The following CLEC17A variants were observed in gnomAD, a reference collection of about 807,000 sequenced individuals.
The protein encoded by CLEC17A is C-type lectin domain family 17, member A.
Under a neutral mutation model 61.3 loss-of-function variants are expected in CLEC17A, and 37 were observed. That is an observed-to-expected ratio of 0.60 (90% CI 0.46 to 0.79). CLEC17A has a LOEUF of 0.79. CLEC17A is among the 30% of genes least tolerant of loss of function. CLEC17A has a pLI of 0.00. For synonymous variants in CLEC17A, 168 were observed against 164.9 expected (o/e 1.02, Z -0.14); for missense variants, 418 against 464.7 (o/e 0.90, Z 0.92).
At chr19:14,583,503 G>T (rs1382934205) in intron 2 of CLEC17A, 69 bp downstream of exon 2, 30 of 1,598,514 alleles carry the variant, frequency 1.9e-5, no homozygotes, top group Non-Finnish European at 2.5e-5. Flanking sequence ...GCATTGGTTG[G>T]GCATTGTAGA....
At chr19:14,594,303 A>G (rs986333264) in intron 4 of CLEC17A, among the ~76,000 whole-genome samples, 1 of 151,966 alleles carries the variant, frequency 6.6e-6, no homozygotes, top group Non-Finnish European at 1.5e-5. Flanking sequence ...AATAAAAAAT[A>G]AAATAAAATA....
upstream of CLEC17A, among the ~76,000 whole-genome samples, chr19:14,581,794 A>C (rs914108506): frequency 7.9e-5 from 12 of 151,888 alleles, no homozygotes; most frequent in Non-Finnish European, 1.8e-4. Flanking sequence ...CTGGGATTAC[A>C]GGTGCGCGCC....
intron 4 of CLEC17A, among the ~76,000 whole-genome samples, chr19:14,593,664 A>G (rs1212357219): frequency 6.6e-6 from 1 of 152,016 alleles, no homozygotes; most frequent in Non-Finnish European, 1.5e-5. Context: ...ACTGTCTTTA[A>G]AAAAATAGAA....
chr19:14,600,307 T>A, intron 12 of CLEC17A, 125 bp downstream of exon 12: 1 of 1,154,084 alleles, frequency 8.7e-7, no homozygotes, highest in Non-Finnish European at 1.2e-6. Context: ...ACTAAAACTT[T>A]AACAGCAAGC....
chr19:14,605,161 G>A (rs1000651589), intron 12 of CLEC17A, among the ~76,000 whole-genome samples: 2 of 151,134 alleles, frequency 1.3e-5, no homozygotes, highest in South Asian at 2.1e-4. Context: ...GCACTGTCGC[G>A]ATCTCAGCTC....
In CLEC17A at chr19:14,600,011, G is replaced by A. The variant is rs769142286; in HGVS notation, c.743-20G>A. 46 of 1,612,350 alleles carry A rather than the reference G, an allele frequency of 2.9e-5. No homozygotes were observed. The highest frequency in any genetic ancestry group is 1.8e-4 in the South Asian group (16 of 90,940). The stretch of plus-strand genomic sequence containing the variant: ...CTCAGGTTCTGGGGCCATCCTGACA[G>A]CATTCTGTCTGGTTCCCAGACTGCC... On this transcript the variant is annotated intron_variant, in intron 11 of 13. Transcript: ENST00000417570.
At chr19:14,585,226 G>T (rs2074257290) in intron 2 of CLEC17A, among the ~76,000 whole-genome samples, 1 of 152,248 alleles carries the variant, frequency 6.6e-6, no homozygotes, top group Non-Finnish European at 1.5e-5. Context: ...CTGCCCTGAA[G>T]TGGTGCAATC....
rs1568452669 is a variant in CLEC17A at position 14,594,669 on chromosome 19, C to T, written c.348C>T (p.Pro116=). The change falls in exon 6 of 14, where the codon CCC becomes CCT. Residue 116 remains proline, a synonymous_variant. Transcript: ENST00000417570. The part of the protein sequence containing the change: ...ETEKPPLPCK[P]RNMTGLDLAA... ...AGAAACCCCCACTTCCTTGCAAGCC[C>T]CGGAACATGACAGGTGAGAGCTGAC... 6.2e-7 allele frequency: 1 copy of T among 1,613,958 alleles called. No individual in the cohort carries two copies. Among genetic ancestry groups the T allele is most frequent in the Non-Finnish European group, 8.5e-7 (1 of 1,179,892 alleles).
In CLEC17A at chr19:14,611,269, A is replaced by C. The variant is rs1255896725; in HGVS notation, c.*1073A>C. ...AAATAACCCAGAAACCATCAAAATT[A>C]TTTTTGACCAGCAACTTTCTCAATG... On this transcript the variant is annotated 3_prime_UTR_variant, in exon 14 of 14. Coordinates refer to ENST00000417570, the MANE Select transcript of CLEC17A (RefSeq NM_001204118.2). 1 of 150,020 alleles carries C rather than the reference A, an allele frequency of 6.7e-6. No individual in the cohort carries two copies. Among genetic ancestry groups the C allele is most frequent in the Non-Finnish European group, 1.5e-5 (1 of 67,754 alleles). The allele number at this position is 150,020 out of a possible 1,614,324, so 9.3% of individuals were successfully genotyped here. A position where few individuals can be genotyped will look rare whatever the true frequency, so the allele number is the denominator to read the frequency against.
At position 14,611,371 on chromosome 19, in the gene CLEC17A, CT is replaced by C. The variant is rs71166767; in HGVS notation, c.*1199del. ...AGACTTGGCCCGTGGAACTTCTATC[CT>C]TTTTTTTTTTTTTTTTTTTTTTTGA... On this transcript the variant is annotated 3_prime_UTR_variant, in exon 14 of 14. Transcript: ENST00000417570. Among the ~76,000 whole-genome samples, 37,464 of 76,150 alleles carry C rather than the reference CT, an allele frequency of 0.49. 7,432 individuals carry two copies. Among genetic ancestry groups the C allele is most frequent in the East Asian group, 0.59 (1,500 of 2,530 alleles). 50.0% of individuals were successfully genotyped at this position (76,150 alleles called of 152,430 possible).
chr19:14,594,530 A>G lies in CLEC17A; in HGVS notation c.291A>G (p.Pro97=). The part of the protein sequence containing the change: ...DLPPKPGSSA[P]PRPPRAAKET... The stretch of plus-strand genomic sequence containing the variant: ...TCTCTTCTCCAGGTTCAAGTGCTCC[A>G]CCAAGACCTCCAAGGGCAGGTGAGT... Residue 97 remains proline, a synonymous_variant, in exon 5 of 14, where the codon CCA becomes CCG. Transcript: ENST00000417570. The G allele has an allele frequency of 3.8e-6, 6 of 1,598,324 alleles. No individual in the cohort carries two copies. The highest frequency in any genetic ancestry group is 4.3e-6 in the Non-Finnish European group (5 of 1,173,074).
chr19:14,595,091 C>G (rs2074511403), intron 7 of CLEC17A, among the ~76,000 whole-genome samples, 183 bp from the exon 8 acceptor site: 1 of 152,148 alleles, frequency 6.6e-6, no homozygotes, highest in African/African-American at 2.4e-5. Flanking sequence ...AGGCTGGTCT[C>G]AAACTCCTGA....
chr19:14,602,698 T>C (rs900200083), intron 12 of CLEC17A, among the ~76,000 whole-genome samples: 1 of 152,120 alleles, frequency 6.6e-6, no homozygotes, highest in African/African-American at 2.4e-5. Context: ...TTCTGTTTTT[T>C]ATCCCTCTGT....
intron 3 of CLEC17A, chr19:14,588,657 A>G (rs555028609): frequency 3.4e-4 from 51 of 152,086 alleles, no homozygotes; most frequent in African/African-American, 1.2e-3. Context: ...CCCCACTTCT[A>G]AAAAAATAGA....
Position 14,594,512 on chromosome 19 carries a change from T to A in CLEC17A, c.278-5T>A. 1.3e-6 allele frequency: 2 copies of A among 1,580,858 alleles called. No individual in the cohort carries two copies. Among genetic ancestry groups the A allele is most frequent in the Non-Finnish European group, 1.7e-6 (2 of 1,164,292 alleles). On this transcript the variant is annotated splice_region_variant and splice_polypyrimidine_tract_variant and intron_variant, in intron 4 of 13. Coordinates refer to ENST00000417570, the MANE Select transcript of CLEC17A (RefSeq NM_001204118.2). ...CAGCCCTCACCCTGAGCTTCTCTTC[T>A]CCAGGTTCAAGTGCTCCACCAAGAC...
At position 14,596,888 on chromosome 19, in the gene CLEC17A, C is replaced by G. The variant is rs1164780206; in HGVS notation, c.458C>G (p.Pro153Arg). The G allele has an allele frequency of 6.2e-7, 1 of 1,609,202 alleles. No individual in the cohort carries two copies. The highest frequency in any genetic ancestry group is 1.7e-5 in the Admixed American group (1 of 59,756). The change falls in exon 9 of 14, where the codon CCC becomes CGC. Residue 153 changes from proline (P) to arginine (R), a missense_variant. Coordinates refer to ENST00000417570, the MANE Select transcript of CLEC17A (RefSeq NM_001204118.2). ...LQPSLAATPV[P>R]WLNQRSGGPG... ...CCCCACTCCCCAGCAACTCCAGTCC[C>G]CTGGCTCAATCAGAGGTCTGGAGGT...
At chr19:14,582,051 C>G (rs1031187752), upstream of CLEC17A, among the ~76,000 whole-genome samples, 1 of 152,176 alleles carries the variant, frequency 6.6e-6, no homozygotes, top group Non-Finnish European at 1.5e-5. Flanking sequence ...GAGGCTGCAG[C>G]GTGAGAATCC....
rs145647849 is a variant in CLEC17A, at chr19:14,608,937, T to C, written c.1005-1127T>C. 3.7e-3 allele frequency among the ~76,000 whole-genome samples: 560 copies of C among 152,048 alleles called. 4 individuals are homozygous for C. Among genetic ancestry groups the C allele is most frequent in the African/African-American group, 0.013 (535 of 41,482 alleles). ...GCCTTAGTCTCCCAAGTAGCTGGGA[T>C]TACAGGCGCCCGCCACCATGCTTGG... On this transcript the variant is annotated intron_variant, in intron 13 of 13. Transcript: ENST00000417570.
At chr19:14,598,396 CTCCT>C (rs145062320) in intron 10 of CLEC17A, among the ~76,000 whole-genome samples, 10,555 of 146,950 alleles carry the variant, frequency 0.072, 428 homozygotes, top group East Asian at 0.19. Flanking sequence ...CCCTTCCCTT[CTCCT>C]TCCTTCCTTC....
Sources: gnomAD v4.1 joint callset for allele counts (sites outside exome capture counted in the v4.1 genomes callset) on GRCh38, gnomAD v4.1.1 for gene constraint, MANE v1.5 for transcripts, NCBI Gene and HGNC (gene_info 2026-07-23, HGNC 2026-07-21) for gene names.